Variants in KIAA1217 observed in about 807,000 individuals in gnomAD.
The protein encoded by KIAA1217 is KIAA1217, also known as sickle tail protein homolog.
KIAA1217 carries 88 observed loss-of-function variants against 163.9 expected under a neutral mutation model. The ratio of observed to expected loss-of-function variants is 0.54; its 90% CI spans 0.45 to 0.64. KIAA1217 has a LOEUF of 0.64. Among genes scored for constraint, KIAA1217 ranks in the 30% least tolerant of loss-of-function variants. The pLI, the probability that KIAA1217 is intolerant of heterozygous loss-of-function variation, is 0.00. For synonymous variants in KIAA1217, 903 were observed against 923.1 expected, an observed-to-expected ratio of 0.98 and a Z score of 0.39; for missense variants, 2,372 against 2,475.0, an observed-to-expected ratio of 0.96 and a Z score of 0.88.
intron 2 of KIAA1217, among the ~76,000 whole-genome samples, chr10:24,319,462 A>G (rs938012552): frequency 5.3e-5 from 8 of 151,918 alleles, no homozygotes; most frequent in Admixed American, 4.6e-4. Context: ...CACAGGGAAA[A>G]ATTGATGTAC....
At chr10:23,729,655 G>A (rs1231969768) in intron 1 of KIAA1217, among the ~76,000 whole-genome samples, 2 of 152,058 alleles carry the variant, frequency 1.3e-5, no homozygotes, top group Admixed American at 1.3e-4. Flanking sequence ...TTATTGTGGA[G>A]TTTTAAGAGT....
rs530992369 is a variant in KIAA1217 at position 24,220,446 on chromosome 10, C to CTTTTTTTTTTT, written c.354+553_354+563dup. Among the ~76,000 whole-genome samples, 6 of 103,088 alleles carry CTTTTTTTTTTT rather than the reference C, an allele frequency of 5.8e-5. 1 individual carries two copies. The highest frequency in any genetic ancestry group is 2.5e-4 in the African/African-American group (5 of 20,046). The allele number at this position is 103,088 out of a possible 152,430, so 67.6% of individuals were successfully genotyped here. On this transcript the variant is annotated intron_variant, in intron 2 of 20. Transcript: ENST00000376454. Reference sequence around the variant, plus strand: ...ACATTAGGGTTTTGTTTCTGCTCTTCTTTTTTTTTTTTTTTTTTTTTTTTT... The same window carrying CTTTTTTTTTTT: ...ACATTAGGGTTTTGTTTCTGCTCTTCTTTTTTTTTTTTTTTTTTTTTTTTTTTTTTTTTTTT...
chr10:24,386,778 G>A (rs1262109132), intron 3 of KIAA1217, among the ~76,000 whole-genome samples: 1 of 151,852 alleles, frequency 6.6e-6, no homozygotes, highest in Non-Finnish European at 1.5e-5. Flanking sequence ...ATGGGGTCTT[G>A]CTGTGTTTTC....
intron 2 of KIAA1217, among the ~76,000 whole-genome samples, chr10:24,008,664 C>T (rs547536508): frequency 3.0e-4 from 45 of 152,098 alleles, no homozygotes; most frequent in Non-Finnish European, 5.3e-4. Flanking sequence ...GTGATTTACC[C>T]TGACTTCCCT....
intron 1 of KIAA1217, among the ~76,000 whole-genome samples, chr10:23,709,288 C>A (rs1017000725): frequency 6.6e-6 from 1 of 152,036 alleles, no homozygotes; most frequent in Non-Finnish European, 1.5e-5. Context: ...CTTTGGGAGG[C>A]CGAGGTGGGC....
chr10:23,862,950 A>G (rs749391171), intron 1 of KIAA1217, among the ~76,000 whole-genome samples: 7 of 152,174 alleles, frequency 4.6e-5, no homozygotes, highest in Non-Finnish European at 8.8e-5. Flanking sequence ...AACAAGGATG[A>G]GGTTGCCTCC....
intron 1 of KIAA1217, among the ~76,000 whole-genome samples, chr10:23,739,285 G>T (rs1179634153): frequency 7.0e-6 from 1 of 142,828 alleles, no homozygotes; most frequent in Non-Finnish European, 1.5e-5. Context: ...TAGGTACAAT[G>T]CATGTTATTT....
chr10:23,742,317 T>A (rs1839166614), intron 1 of KIAA1217, among the ~76,000 whole-genome samples: 1 of 152,142 alleles, frequency 6.6e-6, no homozygotes, highest in Admixed American at 6.5e-5. Context: ...TGTGACATCT[T>A]GGAAATCATA....
intron 1 of KIAA1217, among the ~76,000 whole-genome samples, chr10:23,831,687 T>A (rs1435246888): frequency 1.3e-5 from 2 of 152,136 alleles, no homozygotes; most frequent in African/African-American, 4.8e-5. Context: ...CCTAACCATA[T>A]CTTGATCTCC....
chr10:24,002,796 AC>A (rs1296649338), intron 1 of KIAA1217, among the ~76,000 whole-genome samples: 1 of 150,368 alleles, frequency 6.7e-6, no homozygotes, highest in Non-Finnish European at 1.5e-5. Context: ...TTCATCCCTC[AC>A]CCCCCTCACA....
chr10:24,103,827 GCAA>G (rs1476413531), intron 2 of KIAA1217, among the ~76,000 whole-genome samples: 1 of 152,160 alleles, frequency 6.6e-6, no homozygotes, highest in East Asian at 1.9e-4. Context: ...TTACTTTCAA[GCAA>G]CAGTAATCAG....
intron 2 of KIAA1217, among the ~76,000 whole-genome samples, chr10:24,244,878 G>A (rs1056077349): frequency 2.6e-5 from 4 of 152,014 alleles, no homozygotes; most frequent in African/African-American, 7.2e-5. Context: ...TTATCCTAAC[G>A]GCAGGAAGCT....
intron 1 of KIAA1217, among the ~76,000 whole-genome samples, chr10:23,790,371 A>G (rs555884917): frequency 0.022 from 1,582 of 72,176 alleles, 232 homozygotes; most frequent in Non-Finnish European, 0.031. Context: ...ATATACATAT[A>G]CATATGTATA....
At chr10:24,075,964 G>A (rs1161191635) in intron 2 of KIAA1217, among the ~76,000 whole-genome samples, 1 of 151,974 alleles carries the variant, frequency 6.6e-6, no homozygotes, top group Non-Finnish European at 1.5e-5. Flanking sequence ...ATTCTGAGAG[G>A]TCATTACTGA....
At chr10:24,233,241 T>A (rs2071707355) in intron 2 of KIAA1217, among the ~76,000 whole-genome samples, 1 of 152,212 alleles carries the variant, frequency 6.6e-6, no homozygotes, top group South Asian at 2.1e-4. Context: ...AGAGATCACA[T>A]TGTCTGAGAG....
At chr10:23,747,093 T>G (rs1839454216) in intron 1 of KIAA1217, among the ~76,000 whole-genome samples, 1 of 152,292 alleles carries the variant, frequency 6.6e-6, no homozygotes, top group African/African-American at 2.4e-5. Flanking sequence ...CCTAGGGGAC[T>G]ATCTCATTTG....
At chr10:24,419,678 C>T (rs941250022) in intron 3 of KIAA1217, among the ~76,000 whole-genome samples, 8 of 152,080 alleles carry the variant, frequency 5.3e-5, no homozygotes, top group Non-Finnish European at 1.0e-4. Flanking sequence ...TGCTTGAGCC[C>T]TCTTACACTT....
chr10:23,753,987 A>C (rs1833785516), intron 1 of KIAA1217, among the ~76,000 whole-genome samples: 1 of 152,114 alleles, frequency 6.6e-6, no homozygotes, highest in African/African-American at 2.4e-5. Context: ...TTCTCCCTTA[A>C]CTATATGCCC....
chr10:24,284,506 T>C (rs2078329294), intron 2 of KIAA1217, among the ~76,000 whole-genome samples: 1 of 152,218 alleles, frequency 6.6e-6, no homozygotes, highest in Non-Finnish European at 1.5e-5. Flanking sequence ...GCTAATTCAC[T>C]TAGGATAATG....
Sources: allele counts gnomAD v4.1 joint callset (sites outside exome capture counted in the v4.1 genomes callset), GRCh38; gene constraint gnomAD v4.1.1; transcripts MANE v1.5; gene names NCBI Gene and HGNC (gene_info 2026-07-23, HGNC 2026-07-21).